The following ZNF69 variants were observed in gnomAD, a reference collection of about 807,000 sequenced individuals.
The protein encoded by ZNF69 is ZNF3.
ZNF69 carries 47 observed loss-of-function variants against 50.9 expected under a neutral mutation model. That is an observed-to-expected ratio of 0.92 (90% CI 0.73 to 1.18). ZNF69 has a LOEUF of 1.18. Among genes scored for constraint, ZNF69 ranks in the 50% most tolerant of loss-of-function variants. ZNF69 has a pLI of 0.00. For synonymous variants in ZNF69, 216 were observed against 223.1 expected (o/e 0.97, Z 0.29); for missense variants, 717 against 675.1 (o/e 1.06, Z -0.69).
Position 11,903,945 on chromosome 19 carries a change from A to G in ZNF69, c.231A>G (p.Gln77=). 2 of 1,613,964 alleles carry G rather than the reference A, an allele frequency of 1.2e-6. No homozygotes were observed. Among genetic ancestry groups the G allele is most frequent in the Non-Finnish European group, 1.7e-6 (2 of 1,179,872 alleles). ...WKDQNIEYEY[Q]NPRRNFRSLI... is the part of the protein sequence containing the mutation. Reference sequence around the variant, plus strand: ...ACCAGAACATTGAATATGAGTACCAAAACCCCAGGAGAAACTTCAGGTAAT... The same window carrying G: ...ACCAGAACATTGAATATGAGTACCAGAACCCCAGGAGAAACTTCAGGTAAT... The change falls in exon 3 of 4, where the codon CAA becomes CAG. Residue 77 remains glutamine, a synonymous_variant. Coordinates refer to ENST00000429654, the MANE Select transcript of ZNF69 (RefSeq NM_001364730.1).
chr19:11,889,774 C>A (rs940989717), intron 1 of ZNF69, among the ~76,000 whole-genome samples: 5 of 152,208 alleles, frequency 3.3e-5, no homozygotes, highest in African/African-American at 1.2e-4. Context: ...CGGCGCTGGT[C>A]TCTGAGTTCC....
the ZNF69 span, chr19:11,950,731 T>A: frequency 4.9e-6 from 1 of 204,490 alleles, no homozygotes; most frequent in Non-Finnish European, 1.0e-5. Context: ...AATAAGAAGG[T>A]ATAATAAAAT....
the ZNF69 span, chr19:11,939,901 T>G: frequency 6.6e-6 from 1 of 152,202 alleles, no homozygotes; most frequent in African/African-American, 2.4e-5. Context: ...TTTTGCTTAT[T>G]GCAATTATCC....
At chr19:11,961,563 G>A in the ZNF69 span, 1 of 152,168 alleles carries the variant, frequency 6.6e-6, no homozygotes, top group Non-Finnish European at 1.5e-5. Context: ...TGCTTCACAG[G>A]AAACTGCTGG....
chr19:11,899,362 C>T (rs1972195266), intron 1 of ZNF69, among the ~76,000 whole-genome samples: 1 of 152,154 alleles, frequency 6.6e-6, no homozygotes, highest in Admixed American at 6.5e-5. Context: ...CTCCCCAGCT[C>T]AGGTGATCCT....
chr19:11,969,894 G>A, the ZNF69 span, among the ~76,000 whole-genome samples: 2 of 152,174 alleles, frequency 1.3e-5, no homozygotes, highest in Non-Finnish European at 2.9e-5. Context: ...TTTACAGGGT[G>A]ATGTGTCTTC....
chr19:11,902,212 C>T (rs1972262018), intron 1 of ZNF69, among the ~76,000 whole-genome samples: 1 of 151,972 alleles, frequency 6.6e-6, no homozygotes, highest in Admixed American at 6.5e-5. Flanking sequence ...AAACTCTGTC[C>T]CTCAGGTGAT....
At chr19:11,944,485 C>T in the ZNF69 span, among the ~76,000 whole-genome samples, 1 of 152,180 alleles carries the variant, frequency 6.6e-6, no homozygotes, top group African/African-American at 2.4e-5. Flanking sequence ...TTGCTGTCTT[C>T]TGTACCAAGT....
At chr19:11,971,749 G>A in the ZNF69 span, among the ~76,000 whole-genome samples, 4 of 151,954 alleles carry the variant, frequency 2.6e-5, no homozygotes, top group African/African-American at 7.3e-5. Context: ...ACTTTTTTGG[G>A]CTTCAAGAAA....
the ZNF69 span, among the ~76,000 whole-genome samples, chr19:11,921,355 G>A: frequency 6.6e-6 from 1 of 151,738 alleles, no homozygotes; most frequent in African/African-American, 2.4e-5. Context: ...TTTTTGTGCA[G>A]ATGGAGTCTC....
the ZNF69 span, chr19:11,925,198 T>G: frequency 6.2e-7 from 1 of 1,611,902 alleles, no homozygotes; most frequent in Non-Finnish European, 8.5e-7. Flanking sequence ...TCTGTCGCTC[T>G]GTCGCCTGCG....
the ZNF69 span, among the ~76,000 whole-genome samples, chr19:11,923,777 G>GA: frequency 2.0e-5 from 3 of 152,232 alleles, no homozygotes; most frequent in South Asian, 6.2e-4. Flanking sequence ...TTTGTCTCGC[G>GA]AAACTAATCG....
the ZNF69 span, among the ~76,000 whole-genome samples, chr19:11,947,826 C>G: frequency 6.6e-6 from 1 of 152,088 alleles, no homozygotes; most frequent in South Asian, 2.1e-4. Context: ...TGCAACATAA[C>G]GAGACCACAT....
At chr19:11,973,319 T>G in the ZNF69 span, among the ~76,000 whole-genome samples, 1 of 152,198 alleles carries the variant, frequency 6.6e-6, no homozygotes, top group Admixed American at 6.6e-5. Context: ...CAGACTTGCT[T>G]CTTTCATGTA....
chr19:11,907,257 A>G (rs1972392138), downstream of ZNF69, among the ~76,000 whole-genome samples: 1 of 152,234 alleles, frequency 6.6e-6, no homozygotes, highest in African/African-American at 2.4e-5. Flanking sequence ...TCTTCAGGAT[A>G]TTATTCAGGA....
At chr19:11,898,733 C>G (rs370928797) in intron 1 of ZNF69, among the ~76,000 whole-genome samples, 1 of 152,140 alleles carries the variant, frequency 6.6e-6, no homozygotes, top group African/African-American at 2.4e-5. Flanking sequence ...GGTGCTGAGC[C>G]TCATACCTGT....
chr19:11,890,751 C>T (rs1178467006), intron 1 of ZNF69, among the ~76,000 whole-genome samples: 8 of 152,090 alleles, frequency 5.3e-5, no homozygotes, highest in Non-Finnish European at 8.8e-5. Context: ...TGAGCCACCT[C>T]GCCAGGCCAG....
At chr19:11,902,149 A>G (rs553704206) in intron 1 of ZNF69, among the ~76,000 whole-genome samples, 3 of 151,724 alleles carry the variant, frequency 2.0e-5, no homozygotes, top group Middle Eastern at 3.4e-3. Context: ...TGCCCGGGTA[A>G]TTTTGTATTT....
the ZNF69 span, among the ~76,000 whole-genome samples, chr19:11,966,277 G>A: frequency 6.6e-6 from 1 of 152,026 alleles, no homozygotes; most frequent in Non-Finnish European, 1.5e-5. Flanking sequence ...TGTCTCACCT[G>A]CCATCCTGTC....
Sources: gnomAD v4.1 joint callset for allele counts (sites outside exome capture counted in the v4.1 genomes callset) on GRCh38, gnomAD v4.1.1 for gene constraint, MANE v1.5 for transcripts, NCBI Gene and HGNC (gene_info 2026-07-23, HGNC 2026-07-21) for gene names.